NRXN1: variants seen among roughly 807,000 people sequenced by gnomAD.
NRXN1 encodes the protein neurexin 1.
In NRXN1, 39 loss-of-function variants were observed where a neutral mutation model predicts 150.9. That is an observed-to-expected ratio of 0.26 (90% CI 0.20 to 0.34). NRXN1 has a LOEUF of 0.34. NRXN1 is among the 10% of genes least tolerant of loss of function. NRXN1 has a pLI of 1.00. For synonymous variants in NRXN1, 924 were observed against 757.0 expected, an observed-to-expected ratio of 1.22 and a Z score of -3.62; for missense variants, 1,815 against 1,949.9, an observed-to-expected ratio of 0.93 and a Z score of 1.30.
chr2:50,393,179 A>G (rs2081848709), intron 17 of NRXN1, among the ~76,000 whole-genome samples: 2 of 151,908 alleles, frequency 1.3e-5, no homozygotes, highest in South Asian at 4.1e-4. Flanking sequence ...AAAAAAAATA[A>G]TAATAAAACA....
At chr2:50,949,853 C>T (rs899129541) in intron 2 of NRXN1, among the ~76,000 whole-genome samples, 4 of 152,104 alleles carry the variant, frequency 2.6e-5, no homozygotes, top group African/African-American at 9.7e-5. Context: ...TCCAGAGCCA[C>T]ACACAGCCTT....
At chr2:50,261,052 A>C (rs1028240585) in intron 17 of NRXN1, among the ~76,000 whole-genome samples, 2 of 151,748 alleles carry the variant, frequency 1.3e-5, no homozygotes, top group Non-Finnish European at 3.0e-5. Context: ...AAGTCTTTCC[A>C]ACATTTCCCC....
At chr2:50,427,229 C>T (rs1416436856) in intron 17 of NRXN1, among the ~76,000 whole-genome samples, 1 of 151,986 alleles carries the variant, frequency 6.6e-6, no homozygotes, top group Non-Finnish European at 1.5e-5. Flanking sequence ...AATGAGAAGC[C>T]ATCAGCTTGT....
chr2:50,732,508 A>G (rs1698227279), intron 5 of NRXN1, among the ~76,000 whole-genome samples: 1 of 152,144 alleles, frequency 6.6e-6, no homozygotes, highest in Admixed American at 6.5e-5. Flanking sequence ...AGGTATTTAG[A>G]TCATGTTTTC....
At chr2:50,324,128 G>T (rs2076227168) in intron 17 of NRXN1, among the ~76,000 whole-genome samples, 1 of 152,188 alleles carries the variant, frequency 6.6e-6, no homozygotes, top group East Asian at 1.9e-4. Flanking sequence ...TAAACTTCAG[G>T]CAGGGTATAT....
chr2:50,760,974 A>C (rs1701736878), intron 5 of NRXN1, among the ~76,000 whole-genome samples: 1 of 151,888 alleles, frequency 6.6e-6, no homozygotes, highest in South Asian at 2.1e-4. Flanking sequence ...TGTTCTCTTT[A>C]ACCATGACCC....
intron 17 of NRXN1, among the ~76,000 whole-genome samples, chr2:50,393,209 C>T (rs953411316): frequency 6.6e-6 from 1 of 151,936 alleles, no homozygotes; most frequent in Non-Finnish European, 1.5e-5. Context: ...TGGATGTTTT[C>T]CTTCTTTGAA....
intron 5 of NRXN1, among the ~76,000 whole-genome samples, chr2:50,881,126 G>C (rs1306333517): frequency 6.6e-6 from 1 of 151,884 alleles, no homozygotes; most frequent in Non-Finnish European, 1.5e-5. Context: ...AAAGCAAACA[G>C]AAAATATTTT....
intron 17 of NRXN1, among the ~76,000 whole-genome samples, chr2:50,385,602 C>T (rs1662568764): frequency 6.6e-6 from 1 of 152,176 alleles, no homozygotes; most frequent in African/African-American, 2.4e-5. Flanking sequence ...TCCTGAGCTG[C>T]ACACTACCAC....
At chr2:50,278,265 T>A (rs573190012) in intron 17 of NRXN1, among the ~76,000 whole-genome samples, 5 of 62,758 alleles carry the variant, frequency 8.0e-5, no homozygotes, top group Admixed American at 2.0e-4. Flanking sequence ...TTATATATAT[T>A]ATATATGTAT....
chr2:49,966,171 T>C (rs184490526), intron 21 of NRXN1, among the ~76,000 whole-genome samples: 2 of 152,322 alleles, frequency 1.3e-5, no homozygotes, highest in East Asian at 1.9e-4. Context: ...GAACGAGCAG[T>C]ATAGGCCCCC....
At chr2:50,375,629 C>A (rs997874174) in intron 17 of NRXN1, among the ~76,000 whole-genome samples, 4 of 150,818 alleles carry the variant, frequency 2.7e-5, no homozygotes, top group Non-Finnish European at 4.4e-5. Flanking sequence ...AGTAAGCTTG[C>A]TTATAGAAAA....
At chr2:50,019,959 AAAAAAAAAAAAAAAG>A (rs1349942834) in intron 21 of NRXN1, among the ~76,000 whole-genome samples, 3 of 132,248 alleles carry the variant, frequency 2.3e-5, no homozygotes, top group African/African-American at 8.3e-5. Flanking sequence ...AAAAAAAAAA[AAAAAAAAAAAAAAAG>A]AGAGAGAGAG....
At chr2:50,895,931 C>T (rs2103889320) in intron 5 of NRXN1, among the ~76,000 whole-genome samples, 1 of 152,118 alleles carries the variant, frequency 6.6e-6, no homozygotes, top group Non-Finnish European at 1.5e-5. Flanking sequence ...ATTATTAAAA[C>T]CCATGTGAAA....
intron 15 of NRXN1, among the ~76,000 whole-genome samples, chr2:50,485,006 G>T (rs964303993): frequency 6.6e-6 from 1 of 152,086 alleles, no homozygotes; most frequent in African/African-American, 2.4e-5. Context: ...TTTAAATACT[G>T]CCGTAGACCT....
chr2:50,611,484 T>A (rs1165488987), intron 8 of NRXN1, among the ~76,000 whole-genome samples: 6 of 152,168 alleles, frequency 3.9e-5, no homozygotes, highest in Non-Finnish European at 5.9e-5. Context: ...TTCCATTTCC[T>A]TGGGGACCTG....
intron 5 of NRXN1, among the ~76,000 whole-genome samples, chr2:50,780,427 C>T (rs1256615821): frequency 1.3e-5 from 2 of 152,020 alleles, no homozygotes; most frequent in African/African-American, 2.4e-5. Flanking sequence ...GTATATGTTG[C>T]CCATCAGTTT....
intron 8 of NRXN1, among the ~76,000 whole-genome samples, chr2:50,586,791 T>C (rs1040719328): frequency 3.3e-5 from 5 of 152,204 alleles, no homozygotes; most frequent in African/African-American, 1.2e-4. Flanking sequence ...AATTTGGGAA[T>C]GTAGAGGTAC....
intron 15 of NRXN1, among the ~76,000 whole-genome samples, chr2:50,478,143 C>A (rs2090142705): frequency 6.6e-6 from 1 of 152,104 alleles, no homozygotes; most frequent in Admixed American, 6.6e-5. Context: ...CAAATCCAAA[C>A]CTCTAAAACA....
Sources: allele counts gnomAD v4.1 joint callset (sites outside exome capture counted in the v4.1 genomes callset), GRCh38; gene constraint gnomAD v4.1.1; transcripts MANE v1.5; gene names NCBI Gene and HGNC (gene_info 2026-07-23, HGNC 2026-07-21).